The following CAB39L variants were observed in gnomAD, a reference collection of about 807,000 sequenced individuals.
CAB39L encodes the protein calcium-binding protein 39-like.
Under a neutral mutation model 39.1 loss-of-function variants are expected in CAB39L, and 23 were observed. That is an observed-to-expected ratio of 0.59 (90% CI 0.42 to 0.83). The LOEUF (loss-of-function observed/expected upper bound fraction) is 0.83. Ranked by LOEUF, CAB39L falls within the 40% of genes least tolerant of loss-of-function variation. The pLI, the probability that CAB39L is intolerant of heterozygous loss-of-function variation, is 0.00. For synonymous variants in CAB39L, 126 were observed against 137.2 expected, an observed-to-expected ratio of 0.92 and a Z score of 0.57; for missense variants, 366 against 391.9, an observed-to-expected ratio of 0.93 and a Z score of 0.56.
intron 10 of CAB39L, among the ~76,000 whole-genome samples, chr13:49,311,899 T>C (rs1954004286): frequency 6.6e-6 from 1 of 152,306 alleles, no homozygotes; most frequent in Non-Finnish European, 1.5e-5. Flanking sequence ...TATGTATGTA[T>C]TTATTTATTT....
At chr13:49,434,882 T>C (rs1216617916) in intron 1 of CAB39L, among the ~76,000 whole-genome samples, 1 of 152,208 alleles carries the variant, frequency 6.6e-6, no homozygotes, top group Non-Finnish European at 1.5e-5. Context: ...AAATGCGATA[T>C]AGATGTGTAA....
intron 3 of CAB39L, among the ~76,000 whole-genome samples, chr13:49,410,301 G>A (rs1268614838): frequency 6.6e-6 from 1 of 152,134 alleles, no homozygotes; most frequent in East Asian, 1.9e-4. Flanking sequence ...TCTTGCTCAA[G>A]TCAGTTAAGA....
intron 5 of CAB39L, among the ~76,000 whole-genome samples, chr13:49,374,776 A>T (rs1594012565): frequency 6.6e-6 from 1 of 152,328 alleles, no homozygotes; most frequent in Middle Eastern, 3.4e-3. Context: ...ACCTGACGAC[A>T]TCTCATCCCT....
chr13:49,429,730 CTTA>C (rs566121821), intron 3 of CAB39L, among the ~76,000 whole-genome samples: 2 of 152,270 alleles, frequency 1.3e-5, no homozygotes, highest in African/African-American at 4.8e-5. Flanking sequence ...TGAATTCTTG[CTTA>C]TTTAGAATGA....
intron 9 of CAB39L, among the ~76,000 whole-genome samples, chr13:49,333,667 G>A (rs1311431695): frequency 6.7e-6 from 1 of 148,878 alleles, no homozygotes; most frequent in Non-Finnish European, 1.5e-5. Context: ...CACCTCCCAG[G>A]TTCATGCCAT....
chr13:49,422,598 A>G lies in CAB39L; in HGVS notation c.-32+10720T>C, dbSNP rs929070513. Among the ~76,000 whole-genome samples the G allele has an allele frequency of 1.1e-4, 16 of 151,624 alleles. No homozygotes were observed. The East Asian group carries it at 1.2e-3, about 11-fold the overall frequency. ...AAAATAAATAAATAAATATAATTTT[A>G]AAGTGTATTTCTCCCTTAATTTTTT... is the stretch of plus-strand genomic sequence containing the variant. On this transcript the variant is annotated intron_variant, in intron 3 of 10. Coordinates refer to ENST00000409308, the MANE Select transcript of CAB39L (RefSeq NM_001079670.3).
chr13:49,341,954 G>A (rs1376035589), intron 8 of CAB39L, among the ~76,000 whole-genome samples: 1 of 152,098 alleles, frequency 6.6e-6, no homozygotes, highest in African/African-American at 2.4e-5. Context: ...TTTATAACAT[G>A]AGGACATAAA....
At chr13:49,359,593 G>A (rs1052367812) in intron 6 of CAB39L, 121 bp downstream of exon 6, 4 of 572,618 alleles carry the variant, frequency 7.0e-6, no homozygotes, top group Admixed American at 5.9e-5. Context: ...CCTCACACAT[G>A]ACAAATACCT....
intron 10 of CAB39L, among the ~76,000 whole-genome samples, chr13:49,315,895 A>AAAAAAG (rs1555320075): frequency 4.6e-5 from 7 of 151,386 alleles, no homozygotes; most frequent in Non-Finnish European, 1.0e-4. Flanking sequence ...AAAAAAAAAA[A>AAAAAAG]AAAAGAAAAG....
intron 5 of CAB39L, among the ~76,000 whole-genome samples, chr13:49,363,019 G>A (rs911035085): frequency 1.3e-5 from 2 of 152,134 alleles, no homozygotes; most frequent in Non-Finnish European, 2.9e-5. Context: ...GCATGAAGGA[G>A]AATTAAAGAC....
At chr13:49,346,334 G>GA (rs58683390) in intron 7 of CAB39L, among the ~76,000 whole-genome samples, 4,527 of 112,304 alleles carry the variant, frequency 0.04, 101 homozygotes, top group Non-Finnish European at 0.061. Context: ...ATAACTGAGT[G>GA]AAAAAAAAAA....
intron 10 of CAB39L, among the ~76,000 whole-genome samples, chr13:49,327,614 T>G (rs1593915403): frequency 6.6e-6 from 1 of 152,184 alleles, no homozygotes; most frequent in East Asian, 1.9e-4. Context: ...TCCATGCATG[T>G]TTTTGGACTC....
intron 5 of CAB39L, among the ~76,000 whole-genome samples, chr13:49,375,616 A>C (rs1209890671): frequency 6.6e-6 from 1 of 152,020 alleles, no homozygotes; most frequent in African/African-American, 2.4e-5. Flanking sequence ...GGGACACAGG[A>C]AGGGGAAAAT....
intron 9 of CAB39L, among the ~76,000 whole-genome samples, chr13:49,336,369 T>A (rs1954847837): frequency 6.6e-6 from 1 of 152,240 alleles, no homozygotes; most frequent in Non-Finnish European, 1.5e-5. Context: ...GTCCTATCAA[T>A]TCTTGGTTTT....
intron 3 of CAB39L, among the ~76,000 whole-genome samples, chr13:49,397,612 G>GA (rs577390358): frequency 1.3e-5 from 2 of 150,572 alleles, no homozygotes; most frequent in African/African-American, 2.4e-5. Flanking sequence ...TGTAGTTCCA[G>GA]AAAAAAAAAC....
chr13:49,359,879 G>T (rs1566088956), intron 5 of CAB39L, 47 bp from the exon 6 acceptor site: 1 of 1,005,764 alleles, frequency 9.9e-7, no homozygotes, highest in East Asian at 2.4e-5. Context: ...CTAAATGGAT[G>T]AATTGTATAG....
At chr13:49,391,573 T>TAG (rs1299029622) in intron 3 of CAB39L, among the ~76,000 whole-genome samples, 1 of 152,186 alleles carries the variant, frequency 6.6e-6, no homozygotes, top group Non-Finnish European at 1.5e-5. Context: ...AGGAAAAGGA[T>TAG]AGAAATAATG....
At chr13:49,419,386 T>G (rs1338954432) in intron 3 of CAB39L, among the ~76,000 whole-genome samples, 2 of 152,204 alleles carry the variant, frequency 1.3e-5, no homozygotes, top group African/African-American at 4.8e-5. Flanking sequence ...AATTCCAGCC[T>G]GAGCAACATG....
At chr13:49,406,253 C>T (rs1002943089) in intron 3 of CAB39L, among the ~76,000 whole-genome samples, 12 of 150,696 alleles carry the variant, frequency 8.0e-5, no homozygotes, top group East Asian at 1.9e-4. Context: ...CTGCAAGCTC[C>T]GCCTCCCAGG....
Sources: allele counts gnomAD v4.1 joint callset (sites outside exome capture counted in the v4.1 genomes callset), GRCh38; gene constraint gnomAD v4.1.1; transcripts MANE v1.5; gene names NCBI Gene and HGNC (gene_info 2026-07-23, HGNC 2026-07-21).